Variants in PLG observed in about 807,000 individuals in gnomAD.
The protein encoded by PLG is plasminogen, also known as plasmin.
PLG carries 41 observed loss-of-function variants against 104.4 expected under a neutral mutation model. The observed-to-expected ratio is 0.39, with a 90% CI of 0.31 to 0.51. PLG has a LOEUF of 0.51. Among genes scored for constraint, PLG ranks in the 20% least tolerant of loss-of-function variants. The pLI is 0.76. For synonymous variants in PLG, 337 were observed against 357.1 expected, an observed-to-expected ratio of 0.94 and a Z score of 0.63; for missense variants, 891 against 1,003.6, an observed-to-expected ratio of 0.89 and a Z score of 1.52.
chr6:160,703,524 G>A (rs550985270), intron 1 of PLG, among the ~76,000 whole-genome samples: 14 of 152,258 alleles, frequency 9.2e-5, no homozygotes, highest in African/African-American at 2.4e-4. Context: ...GGAATCATAC[G>A]ATTTGCTAGT....
chr6:160,730,873 TGTACACA>T lies in PLG; in HGVS notation c.1257-175_1257-169del, dbSNP rs1186536768. 3.4e-5 allele frequency: 21 copies of T among 614,854 alleles called. No individual in the cohort carries two copies. In the African/African-American group the frequency reaches 3.5e-4, roughly 10 times the overall value. 38.1% of individuals were successfully genotyped at this position (614,854 alleles called of 1,614,324 possible). A position where few individuals can be genotyped will look rare whatever the true frequency, so the allele number is the denominator to read the frequency against. Reference sequence around the variant, plus strand: ...GAAAAATTAAAATCTGTCTTTGAAATGTACACAGTTGTTTAGAAGTTGAGGACCATTT... The same window carrying T: ...GAAAAATTAAAATCTGTCTTTGAAATGTTGTTTAGAAGTTGAGGACCATTT... On this transcript the variant is annotated intron_variant, in intron 10 of 18. Coordinates refer to ENST00000308192, the MANE Select transcript of PLG (RefSeq NM_000301.5).
chr6:160,717,417 C>T (rs541522076), intron 7 of PLG, among the ~76,000 whole-genome samples: 2 of 152,250 alleles, frequency 1.3e-5, no homozygotes, highest in South Asian at 2.1e-4. Context: ...CCTTTGAAAG[C>T]GGAAGTTCCT....
intron 10 of PLG, among the ~76,000 whole-genome samples, chr6:160,729,296 C>T (rs376283196): frequency 1.2e-4 from 19 of 152,252 alleles, no homozygotes; most frequent in East Asian, 3.9e-4. Context: ...CTCTCGCATA[C>T]GCTGGTTAAA....
chr6:160,734,903 TTGAGCTGGGGGAAGGAGC>T lies in PLG; in HGVS notation c.1681+817_1681+834del, dbSNP rs1386970455. ...GTTGGGTCTGCCATGTGGAGGGACC[TTGAGCTGGGGGAAGGAGC>T]TTGGCCTCCAAGTCCACTGAAGACC... On this transcript the variant is annotated intron_variant, in intron 13 of 18. Transcript: ENST00000308192. This position sits in a 1 kb window ranked among gnomAD's most constrained non-coding sequence, Gnocchi z 4.4. Among the ~76,000 whole-genome samples the T allele has an allele frequency of 6.6e-6, 1 of 152,134 alleles. No homozygotes were observed. The highest frequency in any genetic ancestry group is 1.5e-5 in the Non-Finnish European group (1 of 68,026).
chr6:160,722,445 C>G lies in PLG; in HGVS notation c.1134C>G (p.Tyr378Ter). 1 of 1,612,654 alleles carries G rather than the reference C, an allele frequency of 6.2e-7. No individual in the cohort carries two copies. The highest frequency in any genetic ancestry group is 8.5e-7 in the Non-Finnish European group (1 of 1,178,752). Residue 378 changes from tyrosine (Y) to a stop codon, truncating the protein, a stop_gained, in exon 10 of 19, where the codon TAC becomes TAG. Transcript: ENST00000308192. LOFTEE classifies it high-confidence loss of function. ...TAACCCCTGTGGTCCAGGACTGCTA[C>G]CATGGTGATGGACAGAGCTACCGAG... ...PELTPVVQDC[Y>*]HGDGQSYRGT... is the part of the protein sequence containing the mutation.
intron 8 of PLG, 45 bp from the exon 9 acceptor site, chr6:160,718,648 T>G (rs563605092): frequency 6.2e-7 from 1 of 1,606,696 alleles, no homozygotes; most frequent in South Asian, 1.1e-5. Flanking sequence ...TTCCCTAGAC[T>G]TTTTTCTTTT....
At position 160,719,038 on chromosome 6, in the gene PLG, C is replaced by A. The variant is rs150701621; in HGVS notation, c.1096+200C>A. 6.6e-6 allele frequency among the ~76,000 whole-genome samples: 1 copy of A among 152,112 alleles called. No homozygotes were observed. Among genetic ancestry groups the A allele is most frequent in the African/African-American group, 2.4e-5 (1 of 41,412 alleles). On this transcript the variant is annotated intron_variant, in intron 9 of 18. Transcript: ENST00000308192. This position sits in a 1 kb window ranked among gnomAD's most constrained non-coding sequence, Gnocchi z 4.1. ...AATATAGCCATCTTGGTGAATGTTT[C>A]ATGTGCTCTTGAAAAGAATGTGTCT...
At chr6:160,702,554 T>G (rs1777437686) in intron 1 of PLG, among the ~76,000 whole-genome samples, 1 of 152,168 alleles carries the variant, frequency 6.6e-6, no homozygotes, top group South Asian at 2.1e-4. Context: ...CTGGAATGAA[T>G]GGGCAGAGAA....
In PLG at chr6:160,736,873, A is replaced by G. The variant is rs1441445245; in HGVS notation, c.1682-14A>G. On this transcript the variant is annotated splice_polypyrimidine_tract_variant and intron_variant, in intron 13 of 18. Coordinates refer to ENST00000308192, the MANE Select transcript of PLG (RefSeq NM_000301.5). The surrounding 1 kb of genome is among the most constrained non-coding windows in gnomAD (Gnocchi z 5.2). ...TTGTCTCAAATGGGATTTCTTTCCC[A>G]CCTTGTGCCACAGCGGCCCCTTCAT... 1 of 1,613,612 alleles carries G rather than the reference A, an allele frequency of 6.2e-7. No homozygotes were observed. Among genetic ancestry groups the G allele is most frequent in the Admixed American group, 1.7e-5 (1 of 60,016 alleles).
intron 17 of PLG, among the ~76,000 whole-genome samples, chr6:160,749,424 C>T (rs1343443243): frequency 6.6e-6 from 1 of 150,504 alleles, no homozygotes; most frequent in Non-Finnish European, 1.5e-5. Flanking sequence ...CTACCACTAC[C>T]AACACCATCA....
In PLG at chr6:160,718,328, G is replaced by A; in HGVS notation, c.822G>A (p.Gln274=). The change falls in exon 8 of 19, where the codon CAG becomes CAA. Residue 274 remains glutamine, a synonymous_variant. Coordinates refer to ENST00000308192, the MANE Select transcript of PLG (RefSeq NM_000301.5). The stretch of plus-strand genomic sequence containing the variant: ...CACCATCTTCTGGTCCCACCTACCA[G>A]TGTCTGAAGGGAACAGGTGAAAACT... The part of the protein sequence containing the change: ...TPPPSSGPTY[Q]CLKGTGENYR... 1.2e-6 allele frequency: 2 copies of A among 1,614,070 alleles called. No homozygotes were observed. The highest frequency in any genetic ancestry group is 1.7e-6 in the Non-Finnish European group (2 of 1,179,884).
chr6:160,750,059 T>C (rs369146622), intron 17 of PLG, among the ~76,000 whole-genome samples: 2 of 152,182 alleles, frequency 1.3e-5, no homozygotes, highest in Admixed American at 6.5e-5. Context: ...GCTCCTCAAT[T>C]TTCTACATGT....
In PLG at chr6:160,747,515, C is replaced by T. The variant is rs367636884; in HGVS notation, c.2126-4600C>T. 6.6e-4 allele frequency among the ~76,000 whole-genome samples: 101 copies of T among 152,314 alleles called. 1 individual carries two copies. The highest frequency in any genetic ancestry group is 2.3e-3 in the African/African-American group (96 of 41,560). ...TAGCTAGATAGACCTGGACTAGGCA[C>T]GTTACCTCTTTGTACCACTCAGCTC... On this transcript the variant is annotated intron_variant, in intron 17 of 18. Coordinates refer to ENST00000308192, the MANE Select transcript of PLG (RefSeq NM_000301.5).
rs573444999 is a variant in PLG at position 160,720,550 on chromosome 6, G to T, written c.1096+1712G>T. Among the ~76,000 whole-genome samples, 8 of 151,442 alleles carry T rather than the reference G, an allele frequency of 5.3e-5. No homozygotes were observed. In the South Asian group the frequency reaches 1.5e-3, roughly 28 times the overall value. ...TTCTCCTGCTTCAGCCTCCTGAGGA[G>T]CTGGGACTACAAGCATGTGCCACCA... On this transcript the variant is annotated intron_variant, in intron 9 of 18. Transcript: ENST00000308192.
In PLG at chr6:160,741,620, C is replaced by G. The variant is rs1778197976; in HGVS notation, c.2125+203C>G. 2.1e-5 allele frequency among the ~76,000 whole-genome samples: 3 copies of G among 144,854 alleles called. No individual in the cohort carries two copies. Among genetic ancestry groups the G allele is most frequent in the African/African-American group, 5.2e-5 (2 of 38,120 alleles). On this transcript the variant is annotated intron_variant, in intron 17 of 18. Coordinates refer to ENST00000308192, the MANE Select transcript of PLG (RefSeq NM_000301.5). The surrounding 1 kb of genome is among the most constrained non-coding windows in gnomAD (Gnocchi z 4.7). The stretch of plus-strand genomic sequence containing the variant: ...AGGGAGGAAAACTGTGTCTTTGAGT[C>G]TCTCTCTCTCTCTCTGTTTTCAGAA...
At chr6:160,716,943 G>T (rs2115162274) in intron 7 of PLG, among the ~76,000 whole-genome samples, 180 bp downstream of exon 7, 1 of 152,212 alleles carries the variant, frequency 6.6e-6, no homozygotes, top group East Asian at 1.9e-4. Flanking sequence ...GTTACTGTGG[G>T]TGATTGATCA....
Position 160,718,406 on chromosome 6 carries a change from T to C in PLG, c.900T>C (p.Ser300=), listed in dbSNP as rs929227724. 5.4e-5 allele frequency: 87 copies of C among 1,613,680 alleles called. No individual in the cohort carries two copies. The highest frequency in any genetic ancestry group is 7.0e-5 in the Non-Finnish European group (82 of 1,179,762). The change falls in exon 8 of 19, where the codon AGT becomes AGC. Residue 300 remains serine, a synonymous_variant. Transcript: ENST00000308192. ...CCGGGCACACCTGTCAGCACTGGAG[T>C]GCACAGACCCCTCACACACATAACA... is the stretch of plus-strand genomic sequence containing the variant. ...TVSGHTCQHW[S]AQTPHTHNRT...
chr6:160,747,631 G>A (rs1371725804), intron 17 of PLG, among the ~76,000 whole-genome samples: 4 of 151,818 alleles, frequency 2.6e-5, no homozygotes, highest in African/African-American at 9.7e-5. Context: ...GTTTGTTTTT[G>A]TTTTCTTGGT....
In PLG at chr6:160,738,545, A is replaced by G. The variant is rs576700968; in HGVS notation, c.1810A>G (p.Met604Val). 6.2e-7 allele frequency: 1 copy of G among 1,602,940 alleles called. No homozygotes were observed. The highest frequency in any genetic ancestry group is 2.2e-5 in the East Asian group (1 of 44,842). Residue 604 changes from methionine to valine, a missense_variant, in exon 15 of 19, where the codon ATG (methionine) becomes GTG (valine). By Grantham distance (21) the Met-to-Val change is conservative. Around this residue, in one of 2 missense-constraint regions of PLG, gnomAD observed 854 missense variants for 932.1 expected, o/e 0.92. Transcript: ENST00000308192. The surrounding 1 kb of genome is among the most constrained non-coding windows in gnomAD (Gnocchi z 6.8). ...WQVSLRTRFGMHFCGGTLISP... is the reference protein window; with the variant it reads ...WQVSLRTRFGVHFCGGTLISP... The stretch of plus-strand genomic sequence containing the variant: ...ACTAAATCCTCTTTCCAGGTTTGGA[A>G]TGCACTTCTGTGGAGGCACCTTGAT...
Sources: allele counts gnomAD v4.1 joint callset (sites outside exome capture counted in the v4.1 genomes callset), GRCh38; gene constraint gnomAD v4.1.1; regional missense constraint gnomAD v4.1.1; non-coding constraint Gnocchi (gnomAD v3.1); transcripts MANE v1.5; gene names NCBI Gene and HGNC (gene_info 2026-07-23, HGNC 2026-07-21).